SLC24A3: variants seen among roughly 807,000 people sequenced by gnomAD.
The protein encoded by SLC24A3 is solute carrier family 24 member 3.
A neutral mutation model predicts 75.8 loss-of-function variants in SLC24A3; 28 were observed. That is an observed-to-expected ratio of 0.37 (90% CI 0.27 to 0.51). The LOEUF is 0.51. Among genes scored for constraint, SLC24A3 ranks in the 20% least tolerant of loss-of-function variants. SLC24A3 has a pLI of 0.94. For missense variants in SLC24A3, 663 were observed against 847.8 expected (o/e 0.78, Z 2.71); for synonymous variants, 372 against 334.1 (o/e 1.11, Z -1.24).
chr20:19,372,567 T>C (rs1456647646), intron 2 of SLC24A3, among the ~76,000 whole-genome samples: 1 of 152,158 alleles, frequency 6.6e-6, no homozygotes, highest in Non-Finnish European at 1.5e-5. Context: ...TTGCTTCCTA[T>C]GAAAATGGTG....
At chr20:19,412,734 C>CT (rs1986768256) in intron 2 of SLC24A3, among the ~76,000 whole-genome samples, 1 of 152,126 alleles carries the variant, frequency 6.6e-6, no homozygotes, top group African/African-American at 2.4e-5. Flanking sequence ...GTCACTTTGA[C>CT]TTGATATCTT....
chr20:19,291,652 T>A (rs935510675), intron 2 of SLC24A3, among the ~76,000 whole-genome samples: 2 of 152,180 alleles, frequency 1.3e-5, no homozygotes, highest in Non-Finnish European at 2.9e-5. Context: ...TTAGCAGCCT[T>A]TTTTAGAAGC....
intron 1 of SLC24A3, among the ~76,000 whole-genome samples, chr20:19,249,413 C>T (rs1032987016): frequency 7.9e-5 from 12 of 152,304 alleles, no homozygotes; most frequent in Non-Finnish European, 1.2e-4. Flanking sequence ...CCACTTTCTT[C>T]ATTTGTGTTG....
chr20:19,472,792 T>C (rs1987896661), intron 2 of SLC24A3, among the ~76,000 whole-genome samples: 1 of 151,866 alleles, frequency 6.6e-6, no homozygotes, highest in Admixed American at 6.6e-5. Context: ...GTGAGTGGGG[T>C]AGGAAGAGAA....
intron 2 of SLC24A3, among the ~76,000 whole-genome samples, chr20:19,432,500 TG>T (rs1233376703): frequency 2.6e-5 from 4 of 152,054 alleles, no homozygotes; most frequent in African/African-American, 9.7e-5. Context: ...GATGACCCCA[TG>T]GAGAATTCCA....
intron 2 of SLC24A3, among the ~76,000 whole-genome samples, chr20:19,416,387 A>G (rs188091873): frequency 1.9e-4 from 29 of 152,346 alleles, no homozygotes; most frequent in African/African-American, 6.7e-4. Context: ...GCCTTGTAGT[A>G]GATTTTTATT....
chr20:19,508,457 A>G (rs1988491457), intron 2 of SLC24A3, among the ~76,000 whole-genome samples: 1 of 150,154 alleles, frequency 6.7e-6, no homozygotes, highest in African/African-American at 2.4e-5. Flanking sequence ...CATTTGATCA[A>G]TATGTGATGA....
chr20:19,401,908 A>T (rs1986558046), intron 2 of SLC24A3, among the ~76,000 whole-genome samples: 1 of 152,146 alleles, frequency 6.6e-6, no homozygotes, highest in African/African-American at 2.4e-5. Context: ...AGCTGGTTTG[A>T]TAACACACGT....
At position 19,317,650 on chromosome 20, in the gene SLC24A3, G is replaced by C. The variant is rs1156437117; in HGVS notation, c.271+36563G>C. ...TATGAGGAAGATCTGTTCCTCCTTTGAGTTGCTGTAGACAGGTACACTCAT... is the reference window on the plus strand; with the variant it reads ...TATGAGGAAGATCTGTTCCTCCTTTCAGTTGCTGTAGACAGGTACACTCAT... On this transcript the variant is annotated intron_variant, in intron 2 of 16. Coordinates refer to ENST00000328041, the MANE Select transcript of SLC24A3 (RefSeq NM_020689.4). Among the ~76,000 whole-genome samples, 5 of 152,144 alleles carry C rather than the reference G, an allele frequency of 3.3e-5. No individual in the cohort carries two copies. In the East Asian group the frequency reaches 7.7e-4, roughly 23 times the overall value.
At chr20:19,582,055 G>A (rs2031225581) in intron 4 of SLC24A3, among the ~76,000 whole-genome samples, 2 of 152,138 alleles carry the variant, frequency 1.3e-5, no homozygotes, top group Admixed American at 1.3e-4. Context: ...TTAATTGCTG[G>A]GGAAACATTA....
At chr20:19,708,439 G>A (rs2032952365) in intron 15 of SLC24A3, among the ~76,000 whole-genome samples, 1 of 152,134 alleles carries the variant, frequency 6.6e-6, no homozygotes, top group South Asian at 2.1e-4. Context: ...CCGAATTCAG[G>A]CTCCCAGCAC....
chr20:19,403,704 A>G (rs1010961751), intron 2 of SLC24A3, among the ~76,000 whole-genome samples: 1 of 152,184 alleles, frequency 6.6e-6, no homozygotes, highest in Non-Finnish European at 1.5e-5. Flanking sequence ...AGCAGCAGGT[A>G]GGTGGGAAAG....
At chr20:19,325,674 ATTTTTTTG>A (rs1984821622) in intron 2 of SLC24A3, among the ~76,000 whole-genome samples, 5 of 148,718 alleles carry the variant, frequency 3.4e-5, no homozygotes, top group South Asian at 4.3e-4. Context: ...GGATTTGGAG[ATTTTTTTG>A]TTTTTTTGTT....
At chr20:19,576,253 G>GT (rs1364689862) in intron 3 of SLC24A3, among the ~76,000 whole-genome samples, 1 of 152,156 alleles carries the variant, frequency 6.6e-6, no homozygotes, top group Non-Finnish European at 1.5e-5. Flanking sequence ...AATGGTCAAA[G>GT]TAACCTAAAG....
At chr20:19,222,494 G>T (rs914737710) in intron 1 of SLC24A3, among the ~76,000 whole-genome samples, 5 of 152,236 alleles carry the variant, frequency 3.3e-5, no homozygotes, top group Admixed American at 3.3e-4. Flanking sequence ...TCTGTCAGGG[G>T]GTGGTCAGTT....
At chr20:19,670,514 G>A (rs2099261095) in intron 8 of SLC24A3, among the ~76,000 whole-genome samples, 1 of 152,204 alleles carries the variant, frequency 6.6e-6, no homozygotes, top group African/African-American at 2.4e-5. Flanking sequence ...AAAAGAATTA[G>A]AAAGAGCATA....
intron 2 of SLC24A3, among the ~76,000 whole-genome samples, chr20:19,477,559 G>C (rs1398075586): frequency 6.6e-6 from 1 of 152,196 alleles, no homozygotes; most frequent in Non-Finnish European, 1.5e-5. Flanking sequence ...AACAGAGAGA[G>C]ATCAGTGCTT....
At chr20:19,514,807 T>A (rs577722149) in intron 2 of SLC24A3, among the ~76,000 whole-genome samples, 41 of 152,270 alleles carry the variant, frequency 2.7e-4, no homozygotes, top group Non-Finnish European at 4.7e-4. Context: ...AACATCCCTG[T>A]GGTTGGCATT....
chr20:19,214,120 T>G (rs527528399), intron 1 of SLC24A3, among the ~76,000 whole-genome samples: 1 of 152,308 alleles, frequency 6.6e-6, no homozygotes, highest in Non-Finnish European at 1.5e-5. Context: ...GCTTGGCTGG[T>G]CTCCTGCTTG....
Sources: allele counts gnomAD v4.1 joint callset (sites outside exome capture counted in the v4.1 genomes callset), GRCh38; gene constraint gnomAD v4.1.1; transcripts MANE v1.5; gene names NCBI Gene and HGNC (gene_info 2026-07-23, HGNC 2026-07-21).